The following LNX2 variants were observed in gnomAD, a reference collection of about 807,000 sequenced individuals.
The protein encoded by LNX2 is ligand of numb-protein X 2.
Under a neutral mutation model 66.2 loss-of-function variants are expected in LNX2, and 35 were observed. The ratio of observed to expected loss-of-function variants is 0.53; its 90% CI spans 0.40 to 0.70. LNX2 has a LOEUF of 0.70. LNX2 is among the 30% of genes least tolerant of loss of function. The pLI, the probability that LNX2 is intolerant of heterozygous loss-of-function variation, is 0.00. For synonymous variants in LNX2, 337 were observed against 315.6 expected (o/e 1.07, Z -0.72); for missense variants, 791 against 850.8 (o/e 0.93, Z 0.87).
At chr13:27,558,551 A>G (rs1257771363) in intron 6 of LNX2, among the ~76,000 whole-genome samples, 1 of 152,100 alleles carries the variant, frequency 6.6e-6, no homozygotes, top group Non-Finnish European at 1.5e-5. Context: ...TATAAAATTC[A>G]ATAACATAAA....
intron 5 of LNX2, among the ~76,000 whole-genome samples, chr13:27,562,121 C>A (rs568636725): frequency 6.6e-6 from 1 of 152,308 alleles, no homozygotes; most frequent in South Asian, 2.1e-4. Flanking sequence ...TCATCTGCTA[C>A]ATCTGGCTTA....
In LNX2 at chr13:27,620,521, G is replaced by C. The variant is rs1955890625; in HGVS notation, c.-247C>G. On this transcript the variant is annotated 5_prime_UTR_variant, in exon 1 of 10. Coordinates refer to ENST00000316334, the MANE Select transcript of LNX2 (RefSeq NM_153371.4). ...TCGCCGCCGCCGCCGCCGCCGCCGC[G>C]GATTTCCTGGCAAAAAGCAAACTCC... The C allele has an allele frequency of 1.2e-5, 2 of 168,150 alleles. No individual in the cohort carries two copies. Among genetic ancestry groups the C allele is most frequent in the South Asian group, 1.5e-4 (1 of 6,764 alleles). The allele number at this position is 168,150 out of a possible 1,614,324, so 10.4% of individuals were successfully genotyped here. A position where few individuals can be genotyped will look rare whatever the true frequency, so the allele number is the denominator to read the frequency against.
At chr13:27,552,291 T>A (rs1250457772) in intron 8 of LNX2, among the ~76,000 whole-genome samples, 3 of 152,190 alleles carry the variant, frequency 2.0e-5, no homozygotes, top group Non-Finnish European at 4.4e-5. Context: ...AGCTCTGAGG[T>A]CTGCAACGTG....
chr13:27,613,148 G>A (rs1430475552), intron 1 of LNX2, among the ~76,000 whole-genome samples: 12 of 152,158 alleles, frequency 7.9e-5, no homozygotes, highest in Admixed American at 7.9e-4. Flanking sequence ...TTATCTGGCA[G>A]GTACAACACA....
chr13:27,562,640 G>T lies in LNX2; in HGVS notation c.997C>A (p.Pro333Thr), dbSNP rs760903633. 4 of 1,614,166 alleles carry T rather than the reference G, an allele frequency of 2.5e-6. No homozygotes were observed. Among genetic ancestry groups the T allele is most frequent in the Non-Finnish European group, 3.4e-6 (4 of 1,180,030 alleles). ...GCCACTTGGAAAATCTCTTCTCGTG[G>T]AGAGTTACTATCAGAATGGTTGTGT... ...RAHNHSDSNS[P>T]REEIFQVALH... Residue 333 changes from proline (P) to threonine (T), a missense_variant, in exon 5 of 10, where the codon CCA (proline) becomes ACA (threonine). Physicochemically the swap from Pro to Thr is conservative, Grantham distance 38 (BLOSUM62 -1). Coordinates refer to ENST00000316334, the MANE Select transcript of LNX2 (RefSeq NM_153371.4).
At chr13:27,593,123 GAT>G (rs1461199074) in intron 1 of LNX2, among the ~76,000 whole-genome samples, 1 of 152,142 alleles carries the variant, frequency 6.6e-6, no homozygotes, top group Non-Finnish European at 1.5e-5. Flanking sequence ...ACAGGTTTAT[GAT>G]TTGCATCTGT....
intron 1 of LNX2, among the ~76,000 whole-genome samples, chr13:27,611,952 GA>G (rs1448207793): frequency 6.6e-6 from 1 of 152,208 alleles, no homozygotes; most frequent in Non-Finnish European, 1.5e-5. Context: ...AAAGCAGGGA[GA>G]AAGAGATTAA....
At chr13:27,560,895 A>G (rs1955128022) in intron 5 of LNX2, among the ~76,000 whole-genome samples, 1 of 152,166 alleles carries the variant, frequency 6.6e-6, no homozygotes, top group Non-Finnish European at 1.5e-5. Context: ...AATGTTAAGA[A>G]ATCACTTTAT....
At chr13:27,594,510 T>A (rs1382211722) in intron 1 of LNX2, among the ~76,000 whole-genome samples, 5 of 152,188 alleles carry the variant, frequency 3.3e-5, no homozygotes, top group Non-Finnish European at 7.3e-5. Context: ...GAGATAAAGA[T>A]TTGCCTCTAT....
At chr13:27,576,241 C>T (rs1955338880) in intron 2 of LNX2, among the ~76,000 whole-genome samples, 1 of 152,130 alleles carries the variant, frequency 6.6e-6, no homozygotes, top group African/African-American at 2.4e-5. Flanking sequence ...GCTTTTGATA[C>T]TCGACTTTCA....
chr13:27,590,424 G>C (rs936804001), intron 1 of LNX2, among the ~76,000 whole-genome samples: 2 of 151,870 alleles, frequency 1.3e-5, no homozygotes, highest in African/African-American at 4.8e-5. Context: ...TCGCTATGTT[G>C]GTCAGGCTGG....
chr13:27,552,586 A>AAAC (rs113671997), intron 8 of LNX2, among the ~76,000 whole-genome samples: 22,545 of 152,070 alleles, frequency 0.15, 2,090 homozygotes, highest in East Asian at 0.28. Flanking sequence ...CTCAAATGTC[A>AAAC]AACAACAACC....
At chr13:27,568,298 C>T (rs745980620) in intron 3 of LNX2, among the ~76,000 whole-genome samples, 21 of 152,064 alleles carry the variant, frequency 1.4e-4, no homozygotes, top group Non-Finnish European at 2.5e-4. Flanking sequence ...ATGAAGAAGG[C>T]GCATAGTTGC....
At chr13:27,555,264 G>T in intron 7 of LNX2, among the ~76,000 whole-genome samples, 1 of 152,254 alleles carries the variant, frequency 6.6e-6, no homozygotes, top group Middle Eastern at 3.4e-3. Context: ...ATCTTTTCAT[G>T]GGAAAACTGG....
intron 1 of LNX2, among the ~76,000 whole-genome samples, chr13:27,615,966 C>T (rs897183859): frequency 1.3e-5 from 2 of 152,110 alleles, no homozygotes; most frequent in African/African-American, 4.8e-5. Context: ...AACTCTGCAA[C>T]ATATTTGAAG....
chr13:27,550,545 G>A (rs542412534), intron 8 of LNX2, 54 bp from the exon 9 acceptor site: 102 of 1,398,982 alleles, frequency 7.3e-5, no homozygotes, highest in African/African-American at 1.3e-4. Context: ...TTTTATAGCC[G>A]CTTATTTTTG....
chr13:27,579,429 A>T (rs1449201226), intron 2 of LNX2, among the ~76,000 whole-genome samples: 1 of 152,210 alleles, frequency 6.6e-6, no homozygotes, highest in Non-Finnish European at 1.5e-5. Flanking sequence ...GATACTTTAG[A>T]AATGATAAAA....
At chr13:27,607,835 T>A (rs1015876044) in intron 1 of LNX2, among the ~76,000 whole-genome samples, 10 of 152,246 alleles carry the variant, frequency 6.6e-5, no homozygotes, top group Non-Finnish European at 1.0e-4. Context: ...TGGGCATTAT[T>A]AGTTAAATTT....
At chr13:27,598,363 A>G (rs1183891934) in intron 1 of LNX2, among the ~76,000 whole-genome samples, 2 of 152,182 alleles carry the variant, frequency 1.3e-5, no homozygotes, top group Non-Finnish European at 2.9e-5. Flanking sequence ...ACAAGGACAG[A>G]ATATTAGGAT....
Sources: gnomAD v4.1 joint callset for allele counts (sites outside exome capture counted in the v4.1 genomes callset) on GRCh38, gnomAD v4.1.1 for gene constraint, MANE v1.5 for transcripts, NCBI Gene and HGNC (gene_info 2026-07-23, HGNC 2026-07-21) for gene names.